SLC38A9: variants seen among roughly 807,000 people sequenced by gnomAD.
SLC38A9 encodes neutral amino acid transporter 9.
In SLC38A9, 48 loss-of-function variants were observed where a neutral mutation model predicts 62.3. That is an observed-to-expected ratio of 0.77 (90% confidence interval 0.61 to 0.98). The LOEUF (loss-of-function observed/expected upper bound fraction) is 0.98. SLC38A9 is among the 50% of genes least tolerant of loss of function. SLC38A9 has a pLI of 0.00. For missense variants in SLC38A9, 541 were observed against 679.8 expected (o/e 0.80, Z 2.27); for synonymous variants, 204 against 227.7 (o/e 0.90, Z 0.94).
intron 8 of SLC38A9, among the ~76,000 whole-genome samples, chr5:55,657,169 A>G (rs1235160129): frequency 6.6e-6 from 1 of 152,224 alleles, no homozygotes; most frequent in Admixed American, 6.5e-5. Context: ...ATATCTGTGT[A>G]GTAATCTAGT....
At chr5:55,697,744 T>C (rs905194047) in intron 3 of SLC38A9, 102 bp downstream of exon 3, 5 of 534,608 alleles carry the variant, frequency 9.4e-6, no homozygotes, top group Non-Finnish European at 1.3e-5. Flanking sequence ...TGTAAGAAAG[T>C]GGATATTTTA....
At chr5:55,645,425 T>C (rs928479659) in intron 12 of SLC38A9, among the ~76,000 whole-genome samples, 3 of 152,232 alleles carry the variant, frequency 2.0e-5, no homozygotes, top group Non-Finnish European at 4.4e-5. Flanking sequence ...GGTTGCTCTA[T>C]GGCAGGCACT....
intron 3 of SLC38A9, chr5:55,697,177 T>A (rs1755987247): frequency 6.5e-6 from 1 of 152,786 alleles, no homozygotes; most frequent in Non-Finnish European, 1.5e-5. Flanking sequence ...GGGCAGAGGC[T>A]GCAATCTCGG....
intron 13 of SLC38A9, chr5:55,634,371 G>A (rs1200803431): frequency 6.5e-6 from 1 of 152,676 alleles, no homozygotes; most frequent in African/African-American, 2.4e-5. Context: ...ACAGAATAAG[G>A]TGAGAGTATG....
intron 3 of SLC38A9, chr5:55,696,818 G>T (rs867166429): frequency 1.2e-3 from 183 of 158,334 alleles, no homozygotes; most frequent in Middle Eastern, 5.9e-3. Flanking sequence ...GGCGGCTGCC[G>T]GGCGGAGGGT....
chr5:55,668,558 G>C (rs1750821594), intron 7 of SLC38A9, among the ~76,000 whole-genome samples: 1 of 152,078 alleles, frequency 6.6e-6, no homozygotes, highest in African/African-American at 2.4e-5. Flanking sequence ...ACAAATACTT[G>C]CCCAGTGACT....
In SLC38A9 at chr5:55,664,754, T is replaced by C. The variant is rs754844088; in HGVS notation, c.636A>G (p.Ala212=). The part of the protein sequence containing the change: ...LLFSLVSLIG[A]MIVYWVLMSN... ...ACATAAGCACCCAATAAACTATCATTGCTCCAATGAGAGACACCAAGGAGA... is the reference window on the plus strand; with the variant it reads ...ACATAAGCACCCAATAAACTATCATCGCTCCAATGAGAGACACCAAGGAGA... Residue 212 remains alanine (A), a synonymous_variant, in exon 8 of 16, where the codon GCA becomes GCG. Transcript: ENST00000396865. The C allele has an allele frequency of 1.3e-5, 20 of 1,587,974 alleles. No homozygotes were observed. In the Admixed American group the frequency reaches 3.7e-4, roughly 30 times the overall value.
intron 4 of SLC38A9, among the ~76,000 whole-genome samples, chr5:55,671,084 C>A (rs548106496): frequency 6.6e-6 from 1 of 152,196 alleles, no homozygotes; most frequent in South Asian, 2.1e-4. Context: ...ATTAATAATA[C>A]TAATTTCAAA....
intron 2 of SLC38A9, among the ~76,000 whole-genome samples, chr5:55,706,973 A>G (rs192298250): frequency 6.7e-6 from 1 of 149,580 alleles, no homozygotes; most frequent in Non-Finnish European, 1.5e-5. Context: ...ACAGGGTCTC[A>G]CTCTGTCACC....
intron 12 of SLC38A9, among the ~76,000 whole-genome samples, chr5:55,641,029 G>A (rs1401144021): frequency 6.6e-6 from 1 of 151,848 alleles, no homozygotes; most frequent in African/African-American, 2.4e-5. Flanking sequence ...TAGTAGAGAT[G>A]GGGTTTCTCC....
intron 12 of SLC38A9, among the ~76,000 whole-genome samples, chr5:55,642,272 C>G (rs1008318166): frequency 1.3e-5 from 2 of 152,234 alleles, no homozygotes; most frequent in Non-Finnish European, 2.9e-5. Context: ...GTCTCAATCT[C>G]CTGACCTTGT....
intron 7 of SLC38A9, among the ~76,000 whole-genome samples, chr5:55,667,857 C>T (rs1175394712): frequency 6.6e-6 from 1 of 152,234 alleles, no homozygotes; most frequent in East Asian, 1.9e-4. Context: ...AGCCTCTCTT[C>T]TTTTTAAATG....
At chr5:55,694,776 CAG>C (rs1415143960) in intron 3 of SLC38A9, among the ~76,000 whole-genome samples, 1 of 141,524 alleles carries the variant, frequency 7.1e-6, no homozygotes, top group South Asian at 2.6e-4. Flanking sequence ...CCTTTCCTGA[CAG>C]AGTCTTGCTC....
chr5:55,654,226 T>A (rs1748017897), intron 9 of SLC38A9, among the ~76,000 whole-genome samples: 1 of 152,242 alleles, frequency 6.6e-6, no homozygotes. Flanking sequence ...GCCAAACATT[T>A]AATTTTCTTT....
At chr5:55,657,639 A>C (rs16876934) in intron 8 of SLC38A9, among the ~76,000 whole-genome samples, 1 of 151,924 alleles carries the variant, frequency 6.6e-6, no homozygotes, top group Admixed American at 6.6e-5. Flanking sequence ...ATCATTCTAC[A>C]GTGAAAGAGA....
chr5:55,662,952 G>C (rs1164720763), intron 8 of SLC38A9, among the ~76,000 whole-genome samples: 7 of 150,180 alleles, frequency 4.7e-5, no homozygotes, highest in Non-Finnish European at 1.0e-4. Context: ...CTGGAGTGCA[G>C]TGGTGCAATC....
intron 8 of SLC38A9, among the ~76,000 whole-genome samples, chr5:55,661,439 C>A (rs1329804193): frequency 9.6e-6 from 1 of 103,892 alleles, no homozygotes; most frequent in Non-Finnish European, 1.9e-5. Context: ...AGCAAGACTC[C>A]GTCTCAAAAA....
At chr5:55,691,254 A>T (rs1162248723) in intron 3 of SLC38A9, 1 of 1,254,558 alleles carries the variant, frequency 8.0e-7, no homozygotes, top group Non-Finnish European at 1.1e-6. Context: ...TGACATATCC[A>T]ATTGTTTTCC....
chr5:55,635,640 A>C lies in SLC38A9; in HGVS notation c.1185T>G (p.Ile395Met). The C allele has an allele frequency of 6.2e-7, 1 of 1,613,420 alleles. No individual in the cohort carries two copies. Among genetic ancestry groups the C allele is most frequent in the Non-Finnish European group, 8.5e-7 (1 of 1,179,430 alleles). The change falls in exon 13 of 16, where the codon ATT becomes ATG. Residue 395 changes from isoleucine (I) to methionine (M), a missense_variant. Ile to Met is a conservative substitution (Grantham distance 10). Transcript: ENST00000396865. The part of the protein sequence containing the change: ...KQENNVRDLC[I>M]AYMLVTLTYL... Reference sequence around the variant, plus strand: ...AAGTTAATGTCACCAGCATATAAGCAATGCACAAGTCCCTCACCTGTAAAT... The same window carrying C: ...AAGTTAATGTCACCAGCATATAAGCCATGCACAAGTCCCTCACCTGTAAAT...
Sources: allele counts gnomAD v4.1 joint callset (sites outside exome capture counted in the v4.1 genomes callset), GRCh38; gene constraint gnomAD v4.1.1; transcripts MANE v1.5; gene names NCBI Gene and HGNC (gene_info 2026-07-23, HGNC 2026-07-21).